INPP5A: variants seen among roughly 807,000 people sequenced by gnomAD.
INPP5A encodes the protein inositol polyphosphate-5-phosphatase A.
In INPP5A, 14 loss-of-function variants were observed where a neutral mutation model predicts 65.2. The observed-to-expected ratio is 0.21, with a 90% confidence interval of 0.14 to 0.34. The LOEUF (loss-of-function observed/expected upper bound fraction) is 0.34, where lower values mean the gene tolerates loss of function less well. Ranked by LOEUF, INPP5A falls within the 10% of genes least tolerant of loss-of-function variation. The pLI is 1.00. For synonymous variants in INPP5A, 207 were observed against 208.3 expected, an observed-to-expected ratio of 0.99 and a Z score of 0.05; for missense variants, 431 against 545.6, an observed-to-expected ratio of 0.79 and a Z score of 2.09.
At chr10:132,563,634 C>T (rs868575569) in intron 1 of INPP5A, among the ~76,000 whole-genome samples, 22 of 151,646 alleles carry the variant, frequency 1.5e-4, no homozygotes, top group East Asian at 3.9e-4. Context: ...TGCTGAAAAA[C>T]GAAGTGCGAG....
chr10:132,593,292 G>A (rs528991434), intron 1 of INPP5A, among the ~76,000 whole-genome samples: 1 of 152,348 alleles, frequency 6.6e-6, no homozygotes, highest in Non-Finnish European at 1.5e-5. Context: ...GGATTACACT[G>A]GATGTGAATG....
chr10:132,780,969 G>A, intron 14 of INPP5A, 52 bp downstream of exon 14: 1 of 1,379,546 alleles, frequency 7.2e-7, no homozygotes, highest in East Asian at 2.3e-5. Flanking sequence ...GGGGAAGCTA[G>A]GGGGCCGGGG....
In INPP5A at chr10:132,753,559, G is replaced by A. The variant is rs187955795; in HGVS notation, c.903+3714G>A. On this transcript the variant is annotated intron_variant, in intron 11 of 15. Transcript: ENST00000368594. The surrounding 1 kb of genome is among the most constrained non-coding windows in gnomAD (Gnocchi z 5.3). The stretch of plus-strand genomic sequence containing the variant: ...GCTTTGTTTAGTCGATATTCCCATC[G>A]AAATTGTATAATTAATTATAAGTGT... 2.6e-4 allele frequency among the ~76,000 whole-genome samples: 39 copies of A among 152,208 alleles called. No individual in the cohort carries two copies. In the East Asian group the frequency reaches 3.5e-3, roughly 14 times the overall value.
intron 4 of INPP5A, among the ~76,000 whole-genome samples, chr10:132,670,851 T>C (rs1485615676): frequency 6.6e-6 from 1 of 150,402 alleles, no homozygotes. Context: ...TTCTTTTTTT[T>C]TTTTTTTTTT....
chr10:132,782,283 C>A lies in INPP5A; in HGVS notation c.*254C>A. 1 of 382,190 alleles carries A rather than the reference C, an allele frequency of 2.6e-6. No individual in the cohort carries two copies. Among genetic ancestry groups the A allele is most frequent in the Non-Finnish European group, 5.0e-6 (1 of 201,924 alleles). The allele number at this position is 382,190 out of a possible 1,614,324, so 23.7% of individuals were successfully genotyped here. A position where few individuals can be genotyped will look rare whatever the true frequency, so the allele number is the denominator to read the frequency against. On this transcript the variant is annotated 3_prime_UTR_variant, in exon 16 of 16. Transcript: ENST00000368594. This position sits in a 1 kb window ranked among gnomAD's most constrained non-coding sequence, Gnocchi z 4.4. ...TTTTTTTTTTTAAATAAGTCACAGT[C>A]CTGTTGTCAAAACTCTAATAGACAG...
intron 9 of INPP5A, among the ~76,000 whole-genome samples, chr10:132,736,837 AGACCC>A (rs1207343653): frequency 2.0e-5 from 3 of 152,228 alleles, no homozygotes; most frequent in Non-Finnish European, 4.4e-5. Context: ...CAGACTCCTG[AGACCC>A]GCTGGCTGCT....
rs2071017828 is a variant in INPP5A, at chr10:132,549,026, C to G, written c.75+10855C>G. Among the ~76,000 whole-genome samples, 1 of 152,084 alleles carries G rather than the reference C, an allele frequency of 6.6e-6. No individual in the cohort carries two copies. The highest frequency in any genetic ancestry group is 2.4e-5 in the African/African-American group (1 of 41,414). On this transcript the variant is annotated intron_variant, in intron 1 of 15. Coordinates refer to ENST00000368594, the MANE Select transcript of INPP5A (RefSeq NM_005539.5). The surrounding 1 kb of genome is among the most constrained non-coding windows in gnomAD (Gnocchi z 4.9). Reference sequence around the variant, plus strand: ...CAGGCTGGTCTCGAATTCCTGGCCTCAAGTGATCCTCCCACCTTGGCCTCC... The same window carrying G: ...CAGGCTGGTCTCGAATTCCTGGCCTGAAGTGATCCTCCCACCTTGGCCTCC...
chr10:132,557,777 G>A (rs1468047674), intron 1 of INPP5A, among the ~76,000 whole-genome samples: 4 of 152,196 alleles, frequency 2.6e-5, no homozygotes, highest in Admixed American at 2.0e-4. Context: ...ATAGTTTTCT[G>A]TTGAATGCCT....
At chr10:132,559,583 C>T (rs1016733072) in intron 1 of INPP5A, among the ~76,000 whole-genome samples, 2 of 152,240 alleles carry the variant, frequency 1.3e-5, no homozygotes, top group Non-Finnish European at 2.9e-5. Context: ...AATCAAACAG[C>T]GTGTGGCCTT....
intron 1 of INPP5A, among the ~76,000 whole-genome samples, chr10:132,563,906 T>TCTGAGCC (rs1191434117): frequency 6.6e-6 from 1 of 152,160 alleles, no homozygotes; most frequent in Non-Finnish European, 1.5e-5. Flanking sequence ...TCCACTCTAC[T>TCTGAGCC]CTGAGCCCTG....
rs904170792 is a variant in INPP5A at position 132,537,808 on chromosome 10, G to A, written c.-289G>A. ...CGGGACTTGCCCTCAGCCTGAGTCG[G>A]CGGCGGCTGCGGGAACTTTCCCAGC... On this transcript the variant is annotated 5_prime_UTR_variant, in exon 1 of 16. Coordinates refer to ENST00000368594, the MANE Select transcript of INPP5A (RefSeq NM_005539.5). The A allele has an allele frequency of 8.1e-6, 3 of 369,896 alleles. No individual in the cohort carries two copies. Among genetic ancestry groups the A allele is most frequent in the Non-Finnish European group, 9.6e-6 (2 of 207,396 alleles). 22.9% of individuals were successfully genotyped at this position (369,896 alleles called of 1,614,324 possible).
chr10:132,631,709 G>A (rs1052151127), intron 2 of INPP5A, among the ~76,000 whole-genome samples: 10 of 152,258 alleles, frequency 6.6e-5, no homozygotes, highest in Admixed American at 4.6e-4. Context: ...GCTGGGCCCC[G>A]CTCCGCGGCA....
chr10:132,598,532 T>C (rs537673844), intron 1 of INPP5A, among the ~76,000 whole-genome samples: 1 of 152,392 alleles, frequency 6.6e-6, no homozygotes, highest in Admixed American at 6.5e-5. Context: ...TTCCTTAGCA[T>C]AATGTTCTCA....
chr10:132,596,431 TTTG>T (rs922283254), intron 1 of INPP5A, among the ~76,000 whole-genome samples: 2 of 151,216 alleles, frequency 1.3e-5, no homozygotes, highest in African/African-American at 2.4e-5. Flanking sequence ...CATGTTTTGT[TTTG>T]TTTTTTTTTT....
intron 1 of INPP5A, among the ~76,000 whole-genome samples, chr10:132,578,194 T>C (rs2071432382): frequency 6.6e-6 from 1 of 152,222 alleles, no homozygotes; most frequent in African/African-American, 2.4e-5. Flanking sequence ...GCAATAAAAA[T>C]GAACCCTCTC....
chr10:132,624,162 A>G (rs1226553404), intron 2 of INPP5A, among the ~76,000 whole-genome samples: 4 of 145,748 alleles, frequency 2.7e-5, no homozygotes, highest in Admixed American at 1.4e-4. Context: ...GCTCCTGCTC[A>G]CCGGCTGACA....
At chr10:132,770,330 C>T (rs946910622) in intron 12 of INPP5A, among the ~76,000 whole-genome samples, 2 of 152,238 alleles carry the variant, frequency 1.3e-5, no homozygotes, top group African/African-American at 2.4e-5. Context: ...TTGCAGCTTC[C>T]GGAATGTGGG....
At chr10:132,756,632 C>T (rs1024450857) in intron 11 of INPP5A, among the ~76,000 whole-genome samples, 8 of 152,296 alleles carry the variant, frequency 5.3e-5, no homozygotes, top group African/African-American at 1.9e-4. Flanking sequence ...CGCAGTGTGT[C>T]GTACTTCAGA....
chr10:132,567,686 T>C (rs2071289155), intron 1 of INPP5A, among the ~76,000 whole-genome samples: 1 of 152,228 alleles, frequency 6.6e-6, no homozygotes, highest in Non-Finnish European at 1.5e-5. Flanking sequence ...TCGGTCTGAT[T>C]TCCAAAGCTG....
Sources: gnomAD v4.1 joint callset for allele counts (sites outside exome capture counted in the v4.1 genomes callset) on GRCh38, gnomAD v4.1.1 for gene constraint, Gnocchi (gnomAD v3.1) non-coding constraint, MANE v1.5 for transcripts, NCBI Gene and HGNC (gene_info 2026-07-23, HGNC 2026-07-21) for gene names.